Variants in SCFD2 observed in about 807,000 individuals in gnomAD.
The protein encoded by SCFD2 is sec1 family domain containing 2, also known as sec1 family domain-containing protein 2.
SCFD2 carries 54 observed loss-of-function variants against 58.9 expected under a neutral mutation model. The ratio of observed to expected loss-of-function variants is 0.92; its 90% CI spans 0.74 to 1.15. The LOEUF is 1.15. SCFD2 is among the 50% of genes most tolerant of loss of function. The pLI, the probability that SCFD2 is intolerant of heterozygous loss-of-function variation, is 0.00. For synonymous variants in SCFD2, 321 were observed against 335.9 expected (o/e 0.96, Z 0.49); for missense variants, 805 against 836.6 (o/e 0.96, Z 0.47).
chr4:53,038,750 G>A (rs1428118525), intron 5 of SCFD2, among the ~76,000 whole-genome samples: 3 of 150,954 alleles, frequency 2.0e-5, no homozygotes, highest in Non-Finnish European at 2.9e-5. Flanking sequence ...ATACAGTGGT[G>A]TGATCACATC....
intron 7 of SCFD2, among the ~76,000 whole-genome samples, chr4:52,903,575 A>G: frequency 6.6e-6 from 1 of 152,212 alleles, no homozygotes; most frequent in South Asian, 2.1e-4. Flanking sequence ...TGTTGTTTGT[A>G]AGGCCTATAC....
chr4:53,175,830 T>A (rs1299227360), intron 4 of SCFD2, among the ~76,000 whole-genome samples: 2 of 152,208 alleles, frequency 1.3e-5, no homozygotes, highest in Non-Finnish European at 2.9e-5. Context: ...AACAAGAGGA[T>A]TCCAAAGGTC....
intron 4 of SCFD2, among the ~76,000 whole-genome samples, chr4:53,235,825 ATATG>A: frequency 6.6e-6 from 1 of 152,326 alleles, no homozygotes; most frequent in African/African-American, 2.4e-5. Context: ...GTGTGCATAC[ATATG>A]TGTGTATAAG....
intron 5 of SCFD2, among the ~76,000 whole-genome samples, chr4:53,057,249 G>A (rs1723369560): frequency 6.6e-6 from 1 of 152,066 alleles, no homozygotes; most frequent in African/African-American, 2.4e-5. Context: ...GCAAAGACAT[G>A]GAACCAACCC....
chr4:52,981,928 A>G (rs986565734), intron 5 of SCFD2, among the ~76,000 whole-genome samples: 1 of 152,166 alleles, frequency 6.6e-6, no homozygotes, highest in East Asian at 1.9e-4. Context: ...ACATGTGATG[A>G]TGGGGGCCCA....
intron 5 of SCFD2, among the ~76,000 whole-genome samples, chr4:52,992,724 T>C (rs961835332): frequency 3.3e-5 from 5 of 151,948 alleles, no homozygotes; most frequent in Non-Finnish European, 7.4e-5. Flanking sequence ...CCGCCCCGTC[T>C]GAGAAGTGAA....
chr4:53,330,335 C>A (rs957498334), intron 2 of SCFD2, among the ~76,000 whole-genome samples: 5 of 151,664 alleles, frequency 3.3e-5, no homozygotes, highest in African/African-American at 1.2e-4. Context: ...ATGTTCAGGG[C>A]AGCCAGAGAG....
chr4:53,097,279 G>A (rs1252569056), intron 5 of SCFD2, among the ~76,000 whole-genome samples: 4 of 152,114 alleles, frequency 2.6e-5, no homozygotes, highest in East Asian at 1.9e-4. Context: ...GATGGGGATG[G>A]CATTGAATCT....
chr4:52,943,126 C>G (rs1197907464), intron 5 of SCFD2, among the ~76,000 whole-genome samples: 1 of 152,106 alleles, frequency 6.6e-6, no homozygotes, highest in African/African-American at 2.4e-5. Context: ...GCTGCAGCCC[C>G]CAGCTTCTCT....
At chr4:53,247,968 G>C (rs940559991) in intron 4 of SCFD2, among the ~76,000 whole-genome samples, 5 of 152,070 alleles carry the variant, frequency 3.3e-5, no homozygotes, top group Non-Finnish European at 7.4e-5. Flanking sequence ...GCCAGCGTGA[G>C]CGATGCAAAA....
intron 5 of SCFD2, among the ~76,000 whole-genome samples, chr4:53,003,868 T>C (rs1258296062): frequency 6.6e-6 from 1 of 152,118 alleles, no homozygotes; most frequent in Admixed American, 6.5e-5. Flanking sequence ...CTTGGATGGG[T>C]AGGCTGAAAT....
At chr4:53,125,386 T>C (rs1378953560) in intron 5 of SCFD2, among the ~76,000 whole-genome samples, 2 of 152,256 alleles carry the variant, frequency 1.3e-5, no homozygotes, top group Non-Finnish European at 2.9e-5. Flanking sequence ...TATAATATTA[T>C]AAGAGTAACA....
At chr4:52,981,906 T>TA (rs1721382801) in intron 5 of SCFD2, among the ~76,000 whole-genome samples, 1 of 152,150 alleles carries the variant, frequency 6.6e-6, no homozygotes, top group Non-Finnish European at 1.5e-5. Context: ...TGGAGGTTCT[T>TA]ACAGTGTGCA....
At chr4:53,263,461 C>T (rs1730888972) in intron 4 of SCFD2, among the ~76,000 whole-genome samples, 1 of 152,134 alleles carries the variant, frequency 6.6e-6, no homozygotes, top group African/African-American at 2.4e-5. Flanking sequence ...AACTGTTCTC[C>T]CTCTTCCCCT....
At chr4:52,931,604 T>A (rs933565873) in intron 5 of SCFD2, among the ~76,000 whole-genome samples, 3 of 152,222 alleles carry the variant, frequency 2.0e-5, no homozygotes, top group African/African-American at 7.2e-5. Context: ...GATGAAAACT[T>A]ACAGTGAGGA....
chr4:53,321,885 C>T (rs1283488005), intron 2 of SCFD2, among the ~76,000 whole-genome samples: 1 of 152,154 alleles, frequency 6.6e-6, no homozygotes, highest in Non-Finnish European at 1.5e-5. Context: ...AATATAAGCA[C>T]TTTCTGTGAG....
chr4:53,356,894 G>A (rs1372044470), intron 1 of SCFD2, among the ~76,000 whole-genome samples: 2 of 151,706 alleles, frequency 1.3e-5, no homozygotes, highest in African/African-American at 2.4e-5. Context: ...CTGCCACCAC[G>A]CCCGGATAAT....
chr4:53,302,403 G>A (rs1257933068), intron 3 of SCFD2, among the ~76,000 whole-genome samples: 1 of 152,086 alleles, frequency 6.6e-6, no homozygotes, highest in African/African-American at 2.4e-5. Context: ...AGGATGTGAA[G>A]GACCTCTTCA....
chr4:53,107,215 T>C (rs573954578), intron 5 of SCFD2, among the ~76,000 whole-genome samples: 3 of 152,220 alleles, frequency 2.0e-5, no homozygotes, highest in Non-Finnish European at 4.4e-5. Flanking sequence ...TTACAAGAAC[T>C]CCTGAAGGAA....
Sources: gnomAD v4.1 joint callset for allele counts (sites outside exome capture counted in the v4.1 genomes callset) on GRCh38, gnomAD v4.1.1 for gene constraint, MANE v1.5 for transcripts, NCBI Gene and HGNC (gene_info 2026-07-23, HGNC 2026-07-21) for gene names.